The following ATXN2 variants were observed in gnomAD, a reference collection of about 807,000 sequenced individuals.
The protein encoded by ATXN2 is ataxin 2.
ATXN2 carries 37 observed loss-of-function variants against 138.6 expected under a neutral mutation model. That is an observed-to-expected ratio of 0.27 (90% confidence interval 0.21 to 0.35). ATXN2 has a LOEUF of 0.35. ATXN2 is among the 10% of genes least tolerant of loss of function. The pLI is 1.00. For synonymous variants in ATXN2, 549 were observed against 543.7 expected (o/e 1.01, Z -0.13); for missense variants, 1,216 against 1,480.3 (o/e 0.82, Z 2.93).
At chr12:111,476,283 T>C (rs191826629) in intron 18 of ATXN2, among the ~76,000 whole-genome samples, 7 of 152,148 alleles carry the variant, frequency 4.6e-5, no homozygotes, top group East Asian at 1.9e-4. Context: ...TGATAAGTAT[T>C]TGAACATAAT....
intron 14 of ATXN2, among the ~76,000 whole-genome samples, chr12:111,505,331 G>A (rs1394978558): frequency 6.6e-6 from 1 of 152,096 alleles, no homozygotes; most frequent in Non-Finnish European, 1.5e-5. Context: ...GACACCAAAA[G>A]CTTACTTCAA....
At chr12:111,567,327 C>G (rs1414045173) in intron 1 of ATXN2, among the ~76,000 whole-genome samples, 1 of 151,852 alleles carries the variant, frequency 6.6e-6, no homozygotes. Flanking sequence ...TGGTGAAACC[C>G]CGTCTCTACT....
At chr12:111,589,957 C>A (rs1443730677) in intron 1 of ATXN2, among the ~76,000 whole-genome samples, 1 of 151,998 alleles carries the variant, frequency 6.6e-6, no homozygotes, top group Non-Finnish European at 1.5e-5. Flanking sequence ...ATGCTGTAAT[C>A]CCAAAACTTT....
rs745907084 is a variant in ATXN2, at chr12:111,453,649, C to T, written c.3439+28G>A. 7 of 1,521,468 alleles carry T rather than the reference C, an allele frequency of 4.6e-6. No homozygotes were observed. Among genetic ancestry groups the T allele is most frequent in the Non-Finnish European group, 6.2e-6 (7 of 1,131,040 alleles). 94.2% of individuals were successfully genotyped at this position (1,521,468 alleles called of 1,614,324 possible). On this transcript the variant is annotated intron_variant, in intron 24 of 24. Transcript: ENST00000673436. This position sits in a 1 kb window ranked among gnomAD's most constrained non-coding sequence, Gnocchi z 5.4. ...GCGAGCAGAATGCTTTGGGGTGCCCCGGCGGCCCCTGCACACACACGCCTC... is the reference window on the plus strand; with the variant it reads ...GCGAGCAGAATGCTTTGGGGTGCCCTGGCGGCCCCTGCACACACACGCCTC...
At chr12:111,530,985 G>A (rs941126657) in intron 5 of ATXN2, among the ~76,000 whole-genome samples, 2 of 151,882 alleles carry the variant, frequency 1.3e-5, no homozygotes, top group Admixed American at 1.3e-4. Context: ...GTGCATGGTG[G>A]TGCATGCCTG....
intron 5 of ATXN2, among the ~76,000 whole-genome samples, chr12:111,544,060 G>T (rs1422679163): frequency 2.6e-5 from 4 of 151,968 alleles, no homozygotes; most frequent in Non-Finnish European, 1.5e-5. Context: ...CTGAGTGACA[G>T]AGCATGACCC....
At chr12:111,575,547 C>G (rs1883591652) in intron 1 of ATXN2, among the ~76,000 whole-genome samples, 1 of 152,034 alleles carries the variant, frequency 6.6e-6, no homozygotes, top group Non-Finnish European at 1.5e-5. Context: ...AAGTAAACAT[C>G]AGCATCTCAA....
chr12:111,551,324 C>G (rs187168514), intron 5 of ATXN2, among the ~76,000 whole-genome samples: 2 of 151,230 alleles, frequency 1.3e-5, no homozygotes, highest in African/African-American at 4.9e-5. Context: ...AATTTGAGAA[C>G]CAAGTTCAGG....
At chr12:111,579,329 C>G (rs1275834127) in intron 1 of ATXN2, among the ~76,000 whole-genome samples, 1 of 152,118 alleles carries the variant, frequency 6.6e-6, no homozygotes, top group Non-Finnish European at 1.5e-5. Context: ...ATGGTGCAAT[C>G]TTGGCTCACC....
chr12:111,529,962 C>T (rs1880725455), intron 5 of ATXN2, among the ~76,000 whole-genome samples: 1 of 152,158 alleles, frequency 6.6e-6, no homozygotes, highest in Non-Finnish European at 1.5e-5. Flanking sequence ...TCATCAAAAT[C>T]CTCAGCTAAC....
At chr12:111,557,592 C>T (rs994701559) in intron 1 of ATXN2, among the ~76,000 whole-genome samples, 6 of 152,126 alleles carry the variant, frequency 3.9e-5, no homozygotes, top group Non-Finnish European at 7.4e-5. Context: ...GAAACTGAAC[C>T]TCAGCAGTCA....
At chr12:111,511,677 G>C (rs1429877637) in intron 11 of ATXN2, 2 of 152,046 alleles carry the variant, frequency 1.3e-5, no homozygotes, top group African/African-American at 4.8e-5. Context: ...TGTTGGCCAG[G>C]CTGGTGTTGA....
At chr12:111,483,162 C>G (rs1877368788) in intron 18 of ATXN2, among the ~76,000 whole-genome samples, 1 of 150,100 alleles carries the variant, frequency 6.7e-6, no homozygotes, top group African/African-American at 2.5e-5. Flanking sequence ...GTTCCAGCCT[C>G]AGCAGCAAAG....
At chr12:111,480,237 T>C (rs1877132853) in intron 18 of ATXN2, among the ~76,000 whole-genome samples, 1 of 152,182 alleles carries the variant, frequency 6.6e-6, no homozygotes, top group Non-Finnish European at 1.5e-5. Context: ...CATAAAAAGA[T>C]GAGCATTTTC....
intron 1 of ATXN2, among the ~76,000 whole-genome samples, chr12:111,584,896 GAGGC>G (rs1230143509): frequency 6.6e-6 from 1 of 152,106 alleles, no homozygotes; most frequent in African/African-American, 2.4e-5. Flanking sequence ...TTGAACCCGG[GAGGC>G]AGATCGGGCC....
chr12:111,587,649 C>G (rs1884411300), intron 1 of ATXN2, among the ~76,000 whole-genome samples: 1 of 151,642 alleles, frequency 6.6e-6, no homozygotes, highest in African/African-American at 2.4e-5. Context: ...GGGTAAGACT[C>G]AGTCTCAAAA....
chr12:111,530,425 C>G lies in ATXN2; in HGVS notation c.572-5109G>C, dbSNP rs569929335. ...GGGCTTTCTAAAGTGACAGTGACAG[C>G]CTATCAGCAACAGCTGATCTAGGCC... On this transcript the variant is annotated intron_variant, in intron 5 of 24. Transcript: ENST00000673436. Among the ~76,000 whole-genome samples, 117 of 152,298 alleles carry G rather than the reference C, an allele frequency of 7.7e-4. 2 individuals are homozygous for G. In the South Asian group the frequency reaches 0.011, roughly 15 times the overall value.
At chr12:111,478,654 T>C (rs1264913699) in intron 18 of ATXN2, among the ~76,000 whole-genome samples, 1 of 152,082 alleles carries the variant, frequency 6.6e-6, no homozygotes, top group Non-Finnish European at 1.5e-5. Context: ...ACCTGATCAG[T>C]TGGAATGTAA....
chr12:111,548,812 G>C (rs1482850975), intron 5 of ATXN2, among the ~76,000 whole-genome samples: 3 of 152,058 alleles, frequency 2.0e-5, no homozygotes, highest in African/African-American at 7.2e-5. Context: ...TCTGCCTCCC[G>C]GGTTCAAGCG....
Sources: allele counts gnomAD v4.1 joint callset (sites outside exome capture counted in the v4.1 genomes callset), GRCh38; gene constraint gnomAD v4.1.1; non-coding constraint Gnocchi (gnomAD v3.1); transcripts MANE v1.5; gene names NCBI Gene and HGNC (gene_info 2026-07-23, HGNC 2026-07-21).